TMEM38B: variants seen among roughly 807,000 people sequenced by gnomAD.
TMEM38B encodes the protein transmembrane protein 38B.
In TMEM38B, 24 loss-of-function variants were observed where a neutral mutation model predicts 28.7. The ratio of observed to expected loss-of-function variants is 0.84; its 90% CI spans 0.61 to 1.18. The LOEUF is 1.18. TMEM38B is among the 50% of genes most tolerant of loss of function. TMEM38B has a pLI of 0.00. For synonymous variants in TMEM38B, 131 were observed against 127.7 expected (o/e 1.03, Z -0.17); for missense variants, 380 against 350.9 (o/e 1.08, Z -0.66).
chr9:105,772,657 T>A (rs979954317), intron 5 of TMEM38B, among the ~76,000 whole-genome samples: 2 of 152,192 alleles, frequency 1.3e-5, no homozygotes, highest in East Asian at 1.9e-4. Flanking sequence ...GGCATGTATT[T>A]AAAAAAATTT....
intron 1 of TMEM38B, among the ~76,000 whole-genome samples, chr9:105,695,088 G>A (rs1482183711): frequency 6.7e-6 from 1 of 150,076 alleles, no homozygotes; most frequent in African/African-American, 2.5e-5. Flanking sequence ...GACAGAAGCT[G>A]CCGCAGCGTT....
Position 105,749,018 on chromosome 9 carries a change from A to G in TMEM38B, c.660+828A>G, listed in dbSNP as rs895617657. 1.4e-5 allele frequency: 18 copies of G among 1,245,398 alleles called. No homozygotes were observed. The South Asian group carries it at 2.4e-4, about 16-fold the overall frequency. The allele number at this position is 1,245,398 out of a possible 1,614,324, so 77.1% of individuals were successfully genotyped here. The stretch of plus-strand genomic sequence containing the variant: ...TTAAAAGGAAAACAGGATAGATTAT[A>G]TAAATATGTGTCTTAGAATGAAGTC... On this transcript the variant is annotated intron_variant, in intron 5 of 5. Coordinates refer to ENST00000374692, the MANE Select transcript of TMEM38B (RefSeq NM_018112.3).
At chr9:105,710,606 A>T in intron 2 of TMEM38B, 1 of 782,658 alleles carries the variant, frequency 1.3e-6, no homozygotes. Flanking sequence ...AACACCCTCA[A>T]ATTGAACAGA....
chr9:105,717,956 A>G (rs953176378), intron 2 of TMEM38B, among the ~76,000 whole-genome samples: 1 of 152,160 alleles, frequency 6.6e-6, no homozygotes, highest in Admixed American at 6.5e-5. Flanking sequence ...TTATTCAATT[A>G]CGTGTTAAAA....
intron 5 of TMEM38B, among the ~76,000 whole-genome samples, chr9:105,754,081 A>G (rs1837750013): frequency 6.6e-6 from 1 of 152,256 alleles, no homozygotes; most frequent in East Asian, 1.9e-4. Context: ...TGCATTGCAT[A>G]ATGGTAAAGG....
chr9:105,734,890 A>G (rs757497592), intron 4 of TMEM38B, among the ~76,000 whole-genome samples: 17 of 149,784 alleles, frequency 1.1e-4, no homozygotes, highest in Non-Finnish European at 1.3e-4. Flanking sequence ...TGTCAGTTCA[A>G]CCATTATATA....
chr9:105,716,624 T>C (rs375311803), intron 2 of TMEM38B, among the ~76,000 whole-genome samples: 3 of 104,130 alleles, frequency 2.9e-5, no homozygotes, highest in Non-Finnish European at 5.3e-5. Flanking sequence ...CAACATGAAT[T>C]TGAACTGTGT....
chr9:105,736,898 T>C (rs188437302), intron 4 of TMEM38B, among the ~76,000 whole-genome samples: 1 of 152,344 alleles, frequency 6.6e-6, no homozygotes, highest in East Asian at 1.9e-4. Context: ...CCTAAGTGGC[T>C]TAAGCTTTTA....
intron 4 of TMEM38B, among the ~76,000 whole-genome samples, chr9:105,727,243 A>C (rs1032687695): frequency 6.6e-6 from 1 of 151,970 alleles, no homozygotes. Flanking sequence ...CCCACTGGTA[A>C]TTGCTGTTGT....
rs1166094140 is a variant in TMEM38B, at chr9:105,774,766, C to T, written c.*686C>T. 1 of 151,572 alleles carries T rather than the reference C, an allele frequency of 6.6e-6. No homozygotes were observed. The highest frequency in any genetic ancestry group is 2.4e-5 in the African/African-American group (1 of 41,332). 9.4% of individuals were successfully genotyped at this position (151,572 alleles called of 1,614,324 possible). On this transcript the variant is annotated 3_prime_UTR_variant, in exon 6 of 6. Coordinates refer to ENST00000374692, the MANE Select transcript of TMEM38B (RefSeq NM_018112.3). ...CTTAATCTGAAGTCTTTTTCATGCC[C>T]TTGTTTTAAAAAAACTACTTTTTTT...
intron 2 of TMEM38B, among the ~76,000 whole-genome samples, chr9:105,708,992 ATTT>A (rs61703546): frequency 7.1e-6 from 1 of 141,044 alleles, no homozygotes. Context: ...CACGTTGGCT[ATTT>A]TTTTTTTTTT....
chr9:105,774,254 G>A lies in TMEM38B; in HGVS notation c.*174G>A. ...GACTTCCCCTTTCTGGATTGTATTT[G>A]TAGAGTGTTACGAGTGTATCATGTG... On this transcript the variant is annotated 3_prime_UTR_variant, in exon 6 of 6. Transcript: ENST00000374692. 1.7e-6 allele frequency: 1 copy of A among 600,936 alleles called. No individual in the cohort carries two copies. Among genetic ancestry groups the A allele is most frequent in the Non-Finnish European group, 2.9e-6 (1 of 342,394 alleles). The allele number at this position is 600,936 out of a possible 1,614,324, so 37.2% of individuals were successfully genotyped here.
At chr9:105,755,644 A>T (rs1010967876) in intron 5 of TMEM38B, among the ~76,000 whole-genome samples, 1 of 152,198 alleles carries the variant, frequency 6.6e-6, no homozygotes, top group African/African-American at 2.4e-5. Flanking sequence ...CTGTAAATTG[A>T]CTTGAGAATA....
At chr9:105,744,634 G>T (rs1421964733) in intron 4 of TMEM38B, among the ~76,000 whole-genome samples, 1 of 151,222 alleles carries the variant, frequency 6.6e-6, no homozygotes, top group East Asian at 1.9e-4. Flanking sequence ...TGTGCAGAAC[G>T]TGCAGGTTTG....
intron 5 of TMEM38B, chr9:105,760,151 C>G (rs1837987607): frequency 1.6e-5 from 14 of 881,206 alleles, no homozygotes; most frequent in Middle Eastern, 2.6e-4. Flanking sequence ...CTTCCGCCAC[C>G]AAATTGTAGA....
chr9:105,757,539 GTTCC>G (rs561059637), intron 5 of TMEM38B, among the ~76,000 whole-genome samples: 85 of 151,306 alleles, frequency 5.6e-4, no homozygotes, highest in Admixed American at 1.2e-3. Flanking sequence ...GTGTAAAAGT[GTTCC>G]CTTTTCAACA....
intron 4 of TMEM38B, among the ~76,000 whole-genome samples, chr9:105,732,065 G>A (rs182997059): frequency 6.6e-6 from 1 of 152,252 alleles, no homozygotes; most frequent in East Asian, 1.9e-4. Context: ...CAGTAGTGAT[G>A]AGCATTTTTT....
intron 2 of TMEM38B, among the ~76,000 whole-genome samples, chr9:105,707,605 T>C (rs1835723046): frequency 6.6e-6 from 1 of 152,178 alleles, no homozygotes; most frequent in African/African-American, 2.4e-5. Flanking sequence ...TATGGCAATG[T>C]TGAGTTGTTA....
chr9:105,743,821 C>G (rs1837292642), intron 4 of TMEM38B, among the ~76,000 whole-genome samples: 1 of 152,110 alleles, frequency 6.6e-6, no homozygotes, highest in South Asian at 2.1e-4. Context: ...CTTTTTAGCA[C>G]TGTAAGGTTT....
Sources: gnomAD v4.1 joint callset for allele counts (sites outside exome capture counted in the v4.1 genomes callset) on GRCh38, gnomAD v4.1.1 for gene constraint, MANE v1.5 for transcripts, NCBI Gene and HGNC (gene_info 2026-07-23, HGNC 2026-07-21) for gene names.